Variants in CSTPP1 observed in about 807,000 individuals in gnomAD.
CSTPP1 encodes the protein UPF0705 protein C11orf49.
chr11:46,938,780 CT>C, the CSTPP1 span, among the ~76,000 whole-genome samples: 39 of 123,636 alleles, frequency 3.2e-4, no homozygotes, highest in East Asian at 7.2e-4. Context: ...TTTTCTTCTT[CT>C]TTTTTTTTTT....
At chr11:47,089,699 G>A in the CSTPP1 span, among the ~76,000 whole-genome samples, 1 of 152,170 alleles carries the variant, frequency 6.6e-6, no homozygotes, top group Admixed American at 6.5e-5. Context: ...CATTGTAGGT[G>A]AGGCAGGAAG....
the CSTPP1 span, among the ~76,000 whole-genome samples, chr11:47,162,735 C>T: frequency 6.6e-6 from 1 of 152,092 alleles, no homozygotes; most frequent in Admixed American, 6.5e-5. Flanking sequence ...ACCCAGAAGC[C>T]CAAGCAGAAC....
the CSTPP1 span, among the ~76,000 whole-genome samples, chr11:47,093,179 G>A: frequency 1.8e-4 from 27 of 152,138 alleles, no homozygotes; most frequent in African/African-American, 6.3e-4. Flanking sequence ...AATCAGTGGG[G>A]AGATATAAGT....
the CSTPP1 span, among the ~76,000 whole-genome samples, chr11:47,058,793 A>G: frequency 6.6e-6 from 1 of 152,214 alleles, no homozygotes; most frequent in South Asian, 2.1e-4. Context: ...AGGAGAAGCC[A>G]TGAAGTCTGA....
At chr11:46,944,182 G>C in the CSTPP1 span, among the ~76,000 whole-genome samples, 1 of 150,706 alleles carries the variant, frequency 6.6e-6, no homozygotes, top group East Asian at 2.0e-4. Flanking sequence ...GCAGAGCGTG[G>C]GGGTGTGTTC....
the CSTPP1 span, among the ~76,000 whole-genome samples, chr11:46,993,055 G>T: frequency 6.6e-6 from 1 of 152,086 alleles, no homozygotes; most frequent in East Asian, 1.9e-4. Flanking sequence ...GTATCTGTTC[G>T]TATCCTTTGC....
At chr11:47,085,877 CAA>C in the CSTPP1 span, among the ~76,000 whole-genome samples, 1 of 95,028 alleles carries the variant, frequency 1.1e-5, no homozygotes. Flanking sequence ...AACTCTGTCT[CAA>C]AAAAAAAAAA....
the CSTPP1 span, among the ~76,000 whole-genome samples, chr11:47,080,379 C>T: frequency 7.2e-5 from 11 of 152,084 alleles, no homozygotes; most frequent in African/African-American, 7.2e-5. Flanking sequence ...TGCTTGAACC[C>T]GGGAGATGGA....
chr11:47,008,910 A>G, the CSTPP1 span, among the ~76,000 whole-genome samples: 1 of 152,100 alleles, frequency 6.6e-6, no homozygotes, highest in Non-Finnish European at 1.5e-5. Context: ...AGGCTCCTGT[A>G]GTCCCAGCTT....
At chr11:46,957,555 T>C in the CSTPP1 span, among the ~76,000 whole-genome samples, 3 of 152,260 alleles carry the variant, frequency 2.0e-5, no homozygotes, top group African/African-American at 7.2e-5. Context: ...TGTATTGCTA[T>C]TGAGTGATCT....
the CSTPP1 span, among the ~76,000 whole-genome samples, chr11:47,053,630 AAAAAGAAAAAAG>A: frequency 4.0e-5 from 6 of 151,822 alleles, no homozygotes; most frequent in African/African-American, 1.5e-4. Flanking sequence ...AAAAAAAAAA[AAAAAGAAAAAAG>A]AAAAGAAAAG....
the CSTPP1 span, among the ~76,000 whole-genome samples, chr11:47,156,281 CCTCA>C: frequency 1.3e-5 from 2 of 152,318 alleles, no homozygotes; most frequent in South Asian, 4.1e-4. Flanking sequence ...AACATTTTTC[CCTCA>C]CTGTCTCCCC....
chr11:47,164,029 G>A, the CSTPP1 span: 11 of 1,535,608 alleles, frequency 7.2e-6, no homozygotes, highest in Admixed American at 4.0e-5. Context: ...GAGGTTGCTC[G>A]CTCGCCCTCA....
the CSTPP1 span, among the ~76,000 whole-genome samples, chr11:47,031,522 T>C: frequency 6.6e-6 from 1 of 151,958 alleles, no homozygotes; most frequent in Non-Finnish European, 1.5e-5. Context: ...CGAGACTCTG[T>C]CTTTACAAAA....
At chr11:47,148,712 C>A in the CSTPP1 span, among the ~76,000 whole-genome samples, 2 of 152,230 alleles carry the variant, frequency 1.3e-5, no homozygotes, top group South Asian at 4.1e-4. Flanking sequence ...GGCGCTCATT[C>A]TGAGCACCTG....
chr11:47,129,552 A>G, the CSTPP1 span, among the ~76,000 whole-genome samples: 1 of 152,142 alleles, frequency 6.6e-6, no homozygotes, highest in African/African-American at 2.4e-5. Context: ...CCCCCAGAAC[A>G]AAGCCTTGCC....
At chr11:46,947,711 G>A in the CSTPP1 span, among the ~76,000 whole-genome samples, 1 of 152,060 alleles carries the variant, frequency 6.6e-6, no homozygotes, top group Non-Finnish European at 1.5e-5. Context: ...GTAACTCAAG[G>A]TCTCGTTAAT....
the CSTPP1 span, among the ~76,000 whole-genome samples, chr11:47,097,118 CCTGG>C: frequency 7.1e-3 from 958 of 135,720 alleles, 29 homozygotes; most frequent in East Asian, 0.034. Context: ...CAGCCCCCCG[CCTGG>C]CCAGCCGCCC....
At chr11:47,043,178 C>G in the CSTPP1 span, among the ~76,000 whole-genome samples, 1 of 152,124 alleles carries the variant, frequency 6.6e-6, no homozygotes, top group African/African-American at 2.4e-5. Context: ...GAGCTAGCCC[C>G]TTTTGCCTCC....
Sources: allele counts gnomAD v4.1 joint callset (sites outside exome capture counted in the v4.1 genomes callset), GRCh38; gene constraint gnomAD v4.1.1; transcripts MANE v1.5; gene names NCBI Gene and HGNC (gene_info 2026-07-23, HGNC 2026-07-21).